SLC6A14: variants seen among roughly 807,000 people sequenced by gnomAD.
SLC6A14 encodes the protein sodium- and chloride-dependent neutral and basic amino acid transporter B(0+).
A neutral mutation model predicts 51.4 loss-of-function variants in SLC6A14; 21 were observed. The ratio of observed to expected loss-of-function variants is 0.41; its 90% confidence interval spans 0.29 to 0.59. SLC6A14 has a LOEUF of 0.59. SLC6A14 is among the 20% of genes least tolerant of loss of function. SLC6A14 has a pLI of 0.31. For synonymous variants in SLC6A14, 177 were observed against 160.7 expected, an observed-to-expected ratio of 1.10 and a Z score of -0.77; for missense variants, 371 against 472.8, an observed-to-expected ratio of 0.78 and a Z score of 2.00.
chrX:116,445,732 C>A (rs1556693979), intron 6 of SLC6A14, among the ~76,000 whole-genome samples: 1 of 111,367 alleles, frequency 9.0e-6, no homozygotes. Flanking sequence ...ATGAAATTTT[C>A]TCTGTGAACA....
intron 7 of SLC6A14, among the ~76,000 whole-genome samples, chrX:116,449,190 G>T (rs186968939): frequency 5.4e-5 from 6 of 111,816 alleles, no homozygotes; most frequent in Admixed American, 1.9e-4. Context: ...TTAGCCAATT[G>T]TACACAGCCA....
intron 2 of SLC6A14, among the ~76,000 whole-genome samples, chrX:116,439,880 G>A (rs1204786768): frequency 9.1e-6 from 1 of 110,482 alleles, no homozygotes; most frequent in African/African-American, 3.3e-5. Context: ...ACTTACCTAT[G>A]AATAAATAAC....
chrX:116,443,152 A>G (rs1340889438), intron 4 of SLC6A14, among the ~76,000 whole-genome samples: 1 of 111,359 alleles, frequency 9.0e-6, no homozygotes, highest in Non-Finnish European at 1.9e-5. Flanking sequence ...TGTGTGTCTC[A>G]GGAGACAGTA....
chrX:116,452,523 T>C lies in SLC6A14; in HGVS notation c.1160-494T>C, dbSNP rs1927843296. Among the ~76,000 whole-genome samples the C allele has an allele frequency of 3.6e-5, 4 of 112,008 alleles. No individual in the cohort carries two copies. The Admixed American group carries it at 3.8e-4, about 11-fold the overall frequency. ...GGAAAACAAGATTTAATTTATAGTT[T>C]CATTACATACGATTTTGCATATATG... On this transcript the variant is annotated intron_variant, in intron 8 of 13. Transcript: ENST00000598581.
At chrX:116,455,325 CA>C in intron 11 of SLC6A14, 31 bp from the exon 12 acceptor site, 1 of 1,084,579 alleles carries the variant, frequency 9.2e-7, no homozygotes. Flanking sequence ...AAAATATTAG[CA>C]AGCACTCAAT....
intron 1 of SLC6A14, 141 bp downstream of exon 1, chrX:116,436,898 T>C (rs1286938035): frequency 6.1e-6 from 3 of 495,311 alleles, no homozygotes; most frequent in Admixed American, 3.8e-5. Context: ...GACTGAGATA[T>C]ACCTATAGAG....
In SLC6A14 at chrX:116,451,537, C is replaced by G; in HGVS notation, c.1026C>G (p.Asn342Lys). The change falls in exon 8 of 14, where the codon AAC (asparagine) becomes AAG (lysine). Residue 342 changes from asparagine to lysine, a missense_variant. By Grantham distance (94) the Asn-to-Lys change is moderately conservative. This residue lies in a region of SLC6A14 where 277 missense variants were observed against 391.8 expected (regional missense o/e 0.71). Coordinates refer to ENST00000598581, the MANE Select transcript of SLC6A14 (RefSeq NM_007231.5). ...CATCTTACAATAAGTTCAAAAACAA[C>G]TGCTTCTCTGATGCCATTGTGGTTT... is the stretch of plus-strand genomic sequence containing the variant. ...ALSSYNKFKNNCFSDAIVVCL... is the reference protein window; with the variant it reads ...ALSSYNKFKNKCFSDAIVVCL... 8.3e-7 allele frequency: 1 copy of G among 1,209,665 alleles called. No individual in the cohort carries two copies. The highest frequency in any genetic ancestry group is 1.1e-6 in the Non-Finnish European group (1 of 893,727).
chrX:116,437,670 A>G, intron 1 of SLC6A14, 120 bp from the exon 2 acceptor site: 1 of 665,186 alleles, frequency 1.5e-6, no homozygotes, highest in Non-Finnish European at 2.3e-6. Context: ...CATTCCCCTC[A>G]GCTATGGTTT....
At chrX:116,442,920 C>A in intron 4 of SLC6A14, 72 bp downstream of exon 4, 1 of 737,776 alleles carries the variant, frequency 1.4e-6, no homozygotes, top group Non-Finnish European at 1.9e-6. Context: ...AAATCATTCT[C>A]TAAGCAACTT....
intron 7 of SLC6A14, among the ~76,000 whole-genome samples, chrX:116,450,782 C>CA (rs1927807935): frequency 9.0e-6 from 1 of 111,088 alleles, no homozygotes; most frequent in Non-Finnish European, 1.9e-5. Flanking sequence ...ACTAAAAATA[C>CA]AAAAAAATTA....
rs1927584726 is a variant in SLC6A14 at position 116,440,999 on chromosome X, CA to C, written c.249del (p.Leu84TrpfsTer19). On this transcript the variant is annotated frameshift_variant, in exon 3 of 14. Transcript: ENST00000598581. LOFTEE classifies it high-confidence loss of function. ...AFLIPYAIML[A>X]LAGLPLFFLE... is the part of the protein sequence containing the mutation. ...TTGATACCTTATGCAATTATGTTAGCATTGGCTGGTTTACCTTTGTTCTTTC... is the reference window on the plus strand; with the variant it reads ...TTGATACCTTATGCAATTATGTTAGCTTGGCTGGTTTACCTTTGTTCTTTC... The C allele has an allele frequency of 5.0e-6, 6 of 1,210,111 alleles. No individual in the cohort carries two copies. The highest frequency in any genetic ancestry group is 6.7e-6 in the Non-Finnish European group (6 of 894,244).
intron 7 of SLC6A14, among the ~76,000 whole-genome samples, chrX:116,450,400 G>A (rs1312674866): frequency 5.4e-5 from 6 of 111,471 alleles, no homozygotes; most frequent in Non-Finnish European, 7.5e-5. Flanking sequence ...CAAGTAGGCG[G>A]AGGAATGGGA....
rs782537520 is a variant in SLC6A14, at chrX:116,455,411, T to C, written c.1559T>C (p.Ile520Thr). The change falls in exon 12 of 14, where the codon ATA (isoleucine) becomes ACA (threonine). Residue 520 changes from isoleucine to threonine, a missense_variant. Ile to Thr is a moderately conservative substitution (Grantham distance 89). Coordinates refer to ENST00000598581, the MANE Select transcript of SLC6A14 (RefSeq NM_007231.5). ...ATGATGATTGGAGCAAAGAGGTGGATATTCTGGCTATGGTGGAGAGCTTGC... is the reference window on the plus strand; with the variant it reads ...ATGATGATTGGAGCAAAGAGGTGGACATTCTGGCTATGGTGGAGAGCTTGC... ...TEMMIGAKRW[I>T]FWLWWRACWF... 5.8e-6 allele frequency: 7 copies of C among 1,206,037 alleles called. No individual in the cohort carries two copies. The highest frequency in any genetic ancestry group is 6.7e-6 in the Non-Finnish European group (6 of 892,004).
In SLC6A14 at chrX:116,441,021, C is replaced by T. The variant is rs782802397; in HGVS notation, c.270C>T (p.Phe90=). The change falls in exon 3 of 14, where the codon TTC becomes TTT. Residue 90 remains phenylalanine, a synonymous_variant. Coordinates refer to ENST00000598581, the MANE Select transcript of SLC6A14 (RefSeq NM_007231.5). ...TAGCATTGGCTGGTTTACCTTTGTT[C>T]TTTCTGGAGTGTTCACTGGGACAAT... ...IMLALAGLPL[F]FLECSLGQFA... The T allele has an allele frequency of 5.0e-6, 6 of 1,209,200 alleles. No individual in the cohort carries two copies. The highest frequency in any genetic ancestry group is 6.7e-6 in the Non-Finnish European group (6 of 893,481).
chrX:116,439,992 GA>G (rs1404250442), intron 2 of SLC6A14, among the ~76,000 whole-genome samples: 1 of 111,308 alleles, frequency 9.0e-6, no homozygotes, highest in African/African-American at 3.3e-5. Flanking sequence ...AAAAATACTT[GA>G]GGCAAAACTG....
chrX:116,445,172 G>T, intron 6 of SLC6A14, 122 bp downstream of exon 6: 5 of 673,473 alleles, frequency 7.4e-6, no homozygotes, highest in South Asian at 7.7e-5. Context: ...TGTGTGAAAA[G>T]CTTTCTAAAT....
At chrX:116,441,800 A>G (rs1556693692) in intron 3 of SLC6A14, among the ~76,000 whole-genome samples, 2 of 111,852 alleles carry the variant, frequency 1.8e-5, no homozygotes, top group African/African-American at 6.5e-5. Context: ...TTTTGAAACT[A>G]CCTAGTTAAG....
At chrX:116,457,898 G>T in intron 13 of SLC6A14, 122 bp downstream of exon 13, 1 of 517,819 alleles carries the variant, frequency 1.9e-6, no homozygotes, top group Non-Finnish European at 3.2e-6. Flanking sequence ...CCTTCCTCTT[G>T]GCTACTTCTA....
intron 8 of SLC6A14, 39 bp downstream of exon 8, chrX:116,451,709 A>G (rs1285043760): frequency 2.5e-6 from 2 of 797,900 alleles, no homozygotes; most frequent in Non-Finnish European, 3.6e-6. Flanking sequence ...GATTAATTCA[A>G]TGTATCTCAC....
Sources: allele counts gnomAD v4.1 joint callset (sites outside exome capture counted in the v4.1 genomes callset), GRCh38; gene constraint gnomAD v4.1.1; regional missense constraint gnomAD v4.1.1; transcripts MANE v1.5; gene names NCBI Gene and HGNC (gene_info 2026-07-23, HGNC 2026-07-21).